The following DCDC1 variants were observed in gnomAD, a reference collection of about 807,000 sequenced individuals.
DCDC1 encodes the protein doublecortin domain containing 1.
DCDC1 carries 200 observed loss-of-function variants against 178.3 expected under a neutral mutation model. That is an observed-to-expected ratio of 1.12 (90% CI 1.00 to 1.26). The LOEUF (loss-of-function observed/expected upper bound fraction) is 1.26. Ranked by LOEUF, DCDC1 falls within the 50% of genes most tolerant of loss-of-function variation. The pLI, the probability that DCDC1 is intolerant of heterozygous loss-of-function variation, is 0.00. For synonymous variants in DCDC1, 690 were observed against 604.8 expected, an observed-to-expected ratio of 1.14 and a Z score of -2.07; for missense variants, 1,983 against 1,749.2, an observed-to-expected ratio of 1.13 and a Z score of -2.38.
intron 20 of DCDC1, among the ~76,000 whole-genome samples, chr11:31,022,846 T>C (rs1469273545): frequency 6.6e-6 from 1 of 152,018 alleles, no homozygotes; most frequent in East Asian, 1.9e-4. Flanking sequence ...ATGTTTTCTC[T>C]AAACTTTATT....
intron 3 of DCDC1, among the ~76,000 whole-genome samples, chr11:31,312,970 A>G (rs892550467): frequency 1.3e-5 from 2 of 152,166 alleles, no homozygotes; most frequent in African/African-American, 4.8e-5. Flanking sequence ...AGCCTGGGCA[A>G]CAGAGCAAGA....
chr11:31,241,700 G>A, intron 8 of DCDC1, 84 bp from the exon 9 acceptor site: 1 of 392,496 alleles, frequency 2.5e-6, no homozygotes, highest in Non-Finnish European at 4.5e-6. Context: ...CAATACCAGA[G>A]CTAACTCTTA....
chr11:31,183,417 A>T (rs1344543894), intron 9 of DCDC1, among the ~76,000 whole-genome samples: 1 of 152,210 alleles, frequency 6.6e-6, no homozygotes, highest in Non-Finnish European at 1.5e-5. Context: ...GCACAATCAA[A>T]TTAGAACTCA....
intron 9 of DCDC1, among the ~76,000 whole-genome samples, chr11:31,144,846 C>A (rs1288270914): frequency 6.6e-6 from 1 of 152,050 alleles, no homozygotes; most frequent in African/African-American, 2.4e-5. Flanking sequence ...AATATTTTCT[C>A]AGTATATTGT....
At chr11:31,356,002 A>G (rs1465958443) in intron 1 of DCDC1, among the ~76,000 whole-genome samples, 1 of 152,282 alleles carries the variant, frequency 6.6e-6, no homozygotes, top group South Asian at 2.1e-4. Flanking sequence ...GGAATGAGTA[A>G]CTATTCCCAA....
chr11:31,075,427 G>T (rs1237799509), intron 18 of DCDC1, among the ~76,000 whole-genome samples: 2 of 152,052 alleles, frequency 1.3e-5, no homozygotes, highest in Non-Finnish European at 2.9e-5. Context: ...ATTGCCGGAT[G>T]AAATGGTAGT....
chr11:31,255,213 T>A (rs1944331777), intron 8 of DCDC1, among the ~76,000 whole-genome samples: 1 of 152,232 alleles, frequency 6.6e-6, no homozygotes, highest in Non-Finnish European at 1.5e-5. Context: ...TGAACATTCA[T>A]GAACATTTGG....
At chr11:31,147,570 G>A (rs945958583) in intron 9 of DCDC1, among the ~76,000 whole-genome samples, 8 of 152,150 alleles carry the variant, frequency 5.3e-5, no homozygotes, top group Admixed American at 1.3e-4. Flanking sequence ...TATAATATAT[G>A]AAGGACTTCT....
intron 9 of DCDC1, among the ~76,000 whole-genome samples, chr11:31,179,784 A>T (rs1277604714): frequency 6.6e-6 from 1 of 152,188 alleles, no homozygotes; most frequent in African/African-American, 2.4e-5. Flanking sequence ...TCATTTTATG[A>T]GGCCAGCATT....
Position 31,094,147 on chromosome 11 carries a change from A to G in DCDC1, c.2021T>C (p.Ile674Thr), listed in dbSNP as rs1359143220. Residue 674 changes from isoleucine (I) to threonine (T), a missense_variant, in exon 16 of 39, where the codon ATT (isoleucine) becomes ACT (threonine). By Grantham distance (89) the Ile-to-Thr change is moderately conservative (BLOSUM62 -1). Transcript: ENST00000684477. ...ACTGCCTGAGAAACTCCACTTTCCA[A>G]TGGAAACAGAGGCATGAAGGACAAT... Reference protein sequence around the residue: ...PNIVLHASVSIGKWSFSGSEA... With the variant: ...PNIVLHASVSTGKWSFSGSEA... 4 of 766,226 alleles carry G rather than the reference A, an allele frequency of 5.2e-6. No homozygotes were observed. The East Asian group carries it at 9.7e-5, about 19-fold the overall frequency. 47.5% of individuals were successfully genotyped at this position (766,226 alleles called of 1,614,324 possible).
intron 9 of DCDC1, among the ~76,000 whole-genome samples, chr11:31,213,120 TC>T (rs1972898124): frequency 4.2e-5 from 5 of 119,964 alleles, no homozygotes; most frequent in Non-Finnish European, 7.0e-5. Flanking sequence ...TCTCTCTCTC[TC>T]TCTCTCTCTC....
chr11:30,959,417 C>G (rs1433511777), intron 20 of DCDC1, among the ~76,000 whole-genome samples: 1 of 152,044 alleles, frequency 6.6e-6, no homozygotes, highest in African/African-American at 2.4e-5. Context: ...AGATCTTAGG[C>G]GACCACTGTA....
intron 38 of DCDC1, among the ~76,000 whole-genome samples, chr11:30,865,553 T>A (rs951247147): frequency 1.3e-5 from 2 of 152,158 alleles, no homozygotes; most frequent in African/African-American, 4.8e-5. Context: ...TAATTTTGTT[T>A]TCATAGCTCT....
At chr11:31,326,330 C>G (rs1274675199) in intron 3 of DCDC1, among the ~76,000 whole-genome samples, 1 of 151,824 alleles carries the variant, frequency 6.6e-6, no homozygotes, top group Non-Finnish European at 1.5e-5. Flanking sequence ...AGGAAAAAAG[C>G]AGGAACAGAG....
intron 21 of DCDC1, among the ~76,000 whole-genome samples, chr11:30,949,555 T>C (rs1590498458): frequency 6.6e-6 from 1 of 152,218 alleles, no homozygotes; most frequent in East Asian, 1.9e-4. Flanking sequence ...CACATGCACA[T>C]GTATGCTTAT....
chr11:31,003,780 T>C (rs1297773602), intron 20 of DCDC1, among the ~76,000 whole-genome samples: 1 of 152,190 alleles, frequency 6.6e-6, no homozygotes, highest in African/African-American at 2.4e-5. Flanking sequence ...GTGATACCAC[T>C]GAAGAACATT....
intron 1 of DCDC1, among the ~76,000 whole-genome samples, chr11:31,348,378 A>G (rs1950913364): frequency 6.6e-6 from 1 of 152,202 alleles, no homozygotes; most frequent in South Asian, 2.1e-4. Flanking sequence ...CTCTTTCTCT[A>G]GCTTCCAAGA....
rs1555066669 is a variant in DCDC1, at chr11:31,115,981, T to TTGGGGGGG, written c.1486-5621_1486-5620insCCCCCCCA. On this transcript the variant is annotated intron_variant, in intron 11 of 38. Transcript: ENST00000684477. Reference sequence around the variant, plus strand: ...TCTAAGAAGGATATAGCTGTGGCAGTGGGGGGGGGGGGGATGGGTATCTCA... The same window carrying TTGGGGGGG: ...TCTAAGAAGGATATAGCTGTGGCAGTTGGGGGGGGGGGGGGGGGGGGATGGGTATCTCA... Among the ~76,000 whole-genome samples, 5 of 38,090 alleles carry TTGGGGGGG rather than the reference T, an allele frequency of 1.3e-4. 1 individual carries two copies. The highest frequency in any genetic ancestry group is 3.2e-4 in the African/African-American group (5 of 15,474). 25.0% of individuals were successfully genotyped at this position (38,090 alleles called of 152,430 possible).
At chr11:31,094,244 C>A in intron 15 of DCDC1, 60 bp from the exon 16 acceptor site, 1 of 739,618 alleles carries the variant, frequency 1.4e-6, no homozygotes, top group South Asian at 1.4e-5. Context: ...AACTCCTCAA[C>A]ACACTTACCC....
Sources: allele counts gnomAD v4.1 joint callset (sites outside exome capture counted in the v4.1 genomes callset), GRCh38; gene constraint gnomAD v4.1.1; transcripts MANE v1.5; gene names NCBI Gene and HGNC (gene_info 2026-07-23, HGNC 2026-07-21).